RFC3: variants seen among roughly 807,000 people sequenced by gnomAD.
RFC3 encodes the protein replication factor C subunit 3, also known as A1 38 kDa subunit.
Under a neutral mutation model 45.1 loss-of-function variants are expected in RFC3, and 41 were observed. The observed-to-expected ratio is 0.91, with a 90% CI of 0.71 to 1.18. The LOEUF (loss-of-function observed/expected upper bound fraction) is 1.18, where lower values mean the gene tolerates loss of function less well. Ranked by LOEUF, RFC3 falls within the 50% of genes most tolerant of loss-of-function variation. The probability of loss-of-function intolerance (pLI) is 0.00; values close to 1 mark genes in which losing one functional copy is unlikely to be tolerated. For missense variants in RFC3, 423 were observed against 428.1 expected, an observed-to-expected ratio of 0.99 and a Z score of 0.10; for synonymous variants, 149 against 144.0, an observed-to-expected ratio of 1.03 and a Z score of -0.25.
chr13:33,965,247 C>T (rs2083080326), intron 8 of RFC3, among the ~76,000 whole-genome samples: 1 of 152,160 alleles, frequency 6.6e-6, no homozygotes, highest in Admixed American at 6.5e-5. Context: ...CTACAGTCAT[C>T]TGTAAGGTGG....
chr13:33,973,320 C>G, the RFC3 span, among the ~76,000 whole-genome samples: 1 of 152,192 alleles, frequency 6.6e-6, no homozygotes, highest in South Asian at 2.1e-4. Context: ...CCAGAGAGAG[C>G]CTTCCTGGCA....
chr13:33,898,529 A>G (rs1243867501), intron 8 of RFC3, among the ~76,000 whole-genome samples: 2 of 151,976 alleles, frequency 1.3e-5, no homozygotes, highest in African/African-American at 4.8e-5. Context: ...GAAAGTTTAT[A>G]GCAATTTATA....
At chr13:33,865,944 A>G (rs1593649768) in intron 8 of RFC3, among the ~76,000 whole-genome samples, 1 of 152,268 alleles carries the variant, frequency 6.6e-6, no homozygotes, top group African/African-American at 2.4e-5. Flanking sequence ...CTATAATCCC[A>G]GCTACTCAGG....
the RFC3 span, among the ~76,000 whole-genome samples, chr13:33,971,749 A>G: frequency 2.0e-5 from 3 of 152,248 alleles, no homozygotes; most frequent in Non-Finnish European, 4.4e-5. Flanking sequence ...TTTTGCAATT[A>G]TAAGTCATGA....
the RFC3 span, among the ~76,000 whole-genome samples, chr13:33,973,490 G>A: frequency 1.3e-5 from 2 of 152,138 alleles, no homozygotes; most frequent in South Asian, 2.1e-4. Flanking sequence ...ACCTAGCAAC[G>A]AGTGAGGCTT....
At chr13:33,900,228 C>T (rs1288354428) in intron 8 of RFC3, among the ~76,000 whole-genome samples, 1 of 151,524 alleles carries the variant, frequency 6.6e-6, no homozygotes, top group Non-Finnish European at 1.5e-5. Context: ...TAAAGCAATC[C>T]CGAGAAAAAA....
At chr13:33,968,404 A>C (rs1480203792), downstream of RFC3, among the ~76,000 whole-genome samples, 1 of 152,226 alleles carries the variant, frequency 6.6e-6, no homozygotes, top group Non-Finnish European at 1.5e-5. Context: ...CTGGGATTAC[A>C]GGTGTGCCAC....
chr13:33,834,644 T>C (rs1379415663), intron 7 of RFC3, among the ~76,000 whole-genome samples: 2 of 152,184 alleles, frequency 1.3e-5, no homozygotes, highest in South Asian at 2.1e-4. Context: ...ATTTCATGCG[T>C]ATATTATCTT....
At chr13:33,832,318 T>G (rs1254478888) in intron 7 of RFC3, among the ~76,000 whole-genome samples, 1 of 152,134 alleles carries the variant, frequency 6.6e-6, no homozygotes, top group Non-Finnish European at 1.5e-5. Flanking sequence ...CTGAGTTCAG[T>G]CTATAGACTG....
At chr13:33,869,280 T>C (rs2082392834) in intron 8 of RFC3, among the ~76,000 whole-genome samples, 1 of 152,200 alleles carries the variant, frequency 6.6e-6, no homozygotes, top group South Asian at 2.1e-4. Flanking sequence ...TTGGTCTCCA[T>C]TGCTTGTAAC....
intron 4 of RFC3, among the ~76,000 whole-genome samples, chr13:33,826,375 C>T (rs1426148284): frequency 1.3e-5 from 2 of 152,030 alleles, no homozygotes; most frequent in Non-Finnish European, 1.5e-5. Context: ...ATTTATACTA[C>T]CAATAGCAGT....
At chr13:33,841,759 A>C (rs1354634375), downstream of RFC3, among the ~76,000 whole-genome samples, 6 of 152,054 alleles carry the variant, frequency 3.9e-5, no homozygotes. Flanking sequence ...GCTTGTTTGT[A>C]AACTTTTTTG....
intron 8 of RFC3, among the ~76,000 whole-genome samples, chr13:33,871,071 A>G (rs1206014968): frequency 6.6e-6 from 1 of 152,218 alleles, no homozygotes; most frequent in East Asian, 1.9e-4. Context: ...CCAGAGAGGC[A>G]GTGTGACTTA....
intron 8 of RFC3, among the ~76,000 whole-genome samples, chr13:33,958,340 T>C (rs970914981): frequency 6.6e-6 from 1 of 152,184 alleles, no homozygotes; most frequent in African/African-American, 2.4e-5. Context: ...AGCTTTTGAA[T>C]TGTCATAGAC....
intron 3 of RFC3, among the ~76,000 whole-genome samples, chr13:33,824,919 T>C (rs528077398): frequency 5.9e-5 from 9 of 152,250 alleles, no homozygotes; most frequent in South Asian, 4.1e-4. Flanking sequence ...AAATGGAGAA[T>C]GTTTTGGATT....
intron 8 of RFC3, chr13:33,847,590 A>G (rs2082247501): frequency 6.6e-6 from 1 of 152,188 alleles, no homozygotes; most frequent in South Asian, 2.1e-4. Flanking sequence ...CTCTTAAAAA[A>G]AAAAAATCAT....
At chr13:33,830,569 G>C (rs1028607234) in intron 5 of RFC3, 150 bp from the exon 6 acceptor site, 2 of 527,904 alleles carry the variant, frequency 3.8e-6, no homozygotes, top group Admixed American at 3.8e-5. Context: ...CATTGTGTTA[G>C]ATGCAGAGTG....
chr13:33,864,044 G>A (rs982478028), intron 8 of RFC3, among the ~76,000 whole-genome samples: 2 of 152,182 alleles, frequency 1.3e-5, no homozygotes, highest in African/African-American at 4.8e-5. Context: ...GTGGCTTCTG[G>A]TGAGGGTCTC....
At chr13:33,901,383 T>G (rs1334088942) in intron 8 of RFC3, among the ~76,000 whole-genome samples, 1 of 152,102 alleles carries the variant, frequency 6.6e-6, no homozygotes, top group East Asian at 1.9e-4. Flanking sequence ...CTTGCCATTT[T>G]CAGCAACATG....
Sources: allele counts gnomAD v4.1 joint callset (sites outside exome capture counted in the v4.1 genomes callset), GRCh38; gene constraint gnomAD v4.1.1; transcripts MANE v1.5; gene names NCBI Gene and HGNC (gene_info 2026-07-23, HGNC 2026-07-21).